DPCD: variants seen among roughly 807,000 people sequenced by gnomAD.
DPCD encodes the protein deleted in primary ciliary dyskinesia homolog (mouse).
DPCD carries 20 observed loss-of-function variants against 26.4 expected under a neutral mutation model. The ratio of observed to expected loss-of-function variants is 0.76; its 90% CI spans 0.53 to 1.10. The LOEUF (loss-of-function observed/expected upper bound fraction) is 1.10, where lower values mean the gene tolerates loss of function less well. Ranked by LOEUF, DPCD falls within the 50% of genes least tolerant of loss-of-function variation. The probability of loss-of-function intolerance (pLI) is 0.00; values close to 1 mark genes in which losing one functional copy is unlikely to be tolerated. For missense variants in DPCD, 202 were observed against 253.9 expected (o/e 0.80, Z 1.39); for synonymous variants, 97 against 94.2 (o/e 1.03, Z -0.17).
chr10:101,599,077 G>A (rs954558017), intron 2 of DPCD, among the ~76,000 whole-genome samples: 17 of 152,178 alleles, frequency 1.1e-4, no homozygotes, highest in Non-Finnish European at 2.4e-4. Flanking sequence ...TCCAGTGTGA[G>A]TTGTCCCCGA....
chr10:101,605,285 C>T, intron 4 of DPCD: 1 of 1,533,306 alleles, frequency 6.5e-7, no homozygotes, highest in Non-Finnish European at 8.8e-7. Flanking sequence ...AGTCTCTCTC[C>T]CTCTGAGGGC....
intron 4 of DPCD, among the ~76,000 whole-genome samples, chr10:101,602,532 TATAA>T (rs2063705444): frequency 6.6e-6 from 1 of 152,238 alleles, no homozygotes; most frequent in Non-Finnish European, 1.5e-5. Flanking sequence ...TGTCTATAAA[TATAA>T]AGTCATAATA....
chr10:101,595,472 G>C (rs1463657861), intron 2 of DPCD, among the ~76,000 whole-genome samples: 1 of 152,176 alleles, frequency 6.6e-6, no homozygotes, highest in Non-Finnish European at 1.5e-5. Flanking sequence ...AGTTCCATCT[G>C]AAATGCTAAG....
chr10:101,592,740 G>A (rs978584795), intron 1 of DPCD, among the ~76,000 whole-genome samples: 1 of 150,810 alleles, frequency 6.6e-6, no homozygotes, highest in African/African-American at 2.4e-5. Context: ...AGTTGGCCGG[G>A]CGTGGTGGCT....
Position 101,588,370 on chromosome 10 carries a change from A to G in DPCD, c.34A>G (p.Thr12Ala). The change falls in exon 1 of 6, where the codon ACA (threonine) becomes GCA (alanine). Residue 12 changes from threonine (T) to alanine (A), a missense_variant. Thr to Ala is a moderately conservative substitution (Grantham distance 58). This residue lies in a region of DPCD where 47 missense variants were observed against 32.8 expected (regional missense o/e 1.43). Coordinates refer to ENST00000370151, the MANE Select transcript of DPCD (RefSeq NM_015448.3). The part of the protein sequence containing the change: ...AVTGWLESLR[T>A]AQKTALLQDG... ...GACGGGCTGGTTGGAGAGTCTGCGG[A>G]CAGCCCAGAAGACTGCGCTGCTGCA... The G allele has an allele frequency of 6.3e-7, 1 of 1,598,924 alleles. No individual in the cohort carries two copies. The highest frequency in any genetic ancestry group is 2.3e-5 in the East Asian group (1 of 44,396).
chr10:101,600,822 G>A lies in DPCD; in HGVS notation c.230G>A (p.Gly77Glu), dbSNP rs1388065312. 3.1e-6 allele frequency: 5 copies of A among 1,613,978 alleles called. No homozygotes were observed. The South Asian group carries it at 4.4e-5, about 14-fold the overall frequency. Residue 77 changes from glycine (G) to glutamate (E), a missense_variant, in exon 3 of 6, where the codon GGG (glycine) becomes GAG (glutamate). Gly to Glu is a moderately conservative substitution (Grantham distance 98). Around this residue, in one of 3 missense-constraint regions of DPCD, gnomAD observed 37 missense variants for 76.0 expected, o/e 0.49. Transcript: ENST00000370151. This position sits in a 1 kb window ranked among gnomAD's most constrained non-coding sequence, Gnocchi z 4.7. ...GGAGACCCAGCGCCCCTAGGAGCAG[G>A]GAACCTGGGGCCTGAACTCATCAAG... The part of the protein sequence containing the change: ...EVGDPAPLGA[G>E]NLGPELIKES...
At position 101,609,539 on chromosome 10, in the gene DPCD, A is replaced by G; in HGVS notation, c.*68A>G. ...AGACTTCAAGGCTTGGCCCTTCTTGACCACGGCAGCCTCCTGTCTTCTAGG... is the reference window on the plus strand; with the variant it reads ...AGACTTCAAGGCTTGGCCCTTCTTGGCCACGGCAGCCTCCTGTCTTCTAGG... On this transcript the variant is annotated 3_prime_UTR_variant, in exon 6 of 6. Coordinates refer to ENST00000370151, the MANE Select transcript of DPCD (RefSeq NM_015448.3). The G allele has an allele frequency of 7.0e-7, 1 of 1,421,586 alleles. No homozygotes were observed. The allele number at this position is 1,421,586 out of a possible 1,614,324, so 88.1% of individuals were successfully genotyped here. A position where few individuals can be genotyped will look rare whatever the true frequency, so the allele number is the denominator to read the frequency against.
intron 4 of DPCD, among the ~76,000 whole-genome samples, chr10:101,605,778 G>A (rs1309374017): frequency 2.0e-5 from 3 of 152,146 alleles, no homozygotes; most frequent in Non-Finnish European, 2.9e-5. Context: ...AGACTATGGC[G>A]GGCTATTACT....
intron 2 of DPCD, chr10:101,596,680 CTCT>C (rs1413727229): frequency 6.6e-6 from 1 of 152,196 alleles, no homozygotes; most frequent in Non-Finnish European, 1.5e-5. Context: ...CTTTTTCTTA[CTCT>C]TCTTCCTATC....
chr10:101,594,580 CCCAGGT>C, intron 1 of DPCD, 72 bp from the exon 2 acceptor site: 1 of 1,470,168 alleles, frequency 6.8e-7, no homozygotes, highest in Admixed American at 1.7e-5. Flanking sequence ...GGCACTGTTT[CCCAGGT>C]AGGCCCCTTG....
intron 2 of DPCD, among the ~76,000 whole-genome samples, chr10:101,597,240 G>T (rs1386998742): frequency 2.0e-5 from 3 of 152,240 alleles, no homozygotes; most frequent in African/African-American, 7.2e-5. Flanking sequence ...GCTGCATTTG[G>T]AGGATATTGA....
At chr10:101,593,420 CATACAT>C (rs2063626287) in intron 1 of DPCD, among the ~76,000 whole-genome samples, 1 of 152,200 alleles carries the variant, frequency 6.6e-6, no homozygotes, top group Admixed American at 6.5e-5. Context: ...ATTCATCAAG[CATACAT>C]AGGGTACTTG....
In DPCD at chr10:101,609,477, C is replaced by G. The variant is rs1454802578; in HGVS notation, c.*6C>G. ...GGGACTGCAAGACCCAGTAGTTGGCCCCTGAGCCTTATACCTCCACCACAG... is the reference window on the plus strand; with the variant it reads ...GGGACTGCAAGACCCAGTAGTTGGCGCCTGAGCCTTATACCTCCACCACAG... On this transcript the variant is annotated 3_prime_UTR_variant, in exon 6 of 6. Coordinates refer to ENST00000370151, the MANE Select transcript of DPCD (RefSeq NM_015448.3). The G allele has an allele frequency of 6.2e-7, 1 of 1,613,364 alleles. No homozygotes were observed. The highest frequency in any genetic ancestry group is 1.7e-5 in the Admixed American group (1 of 59,934).
chr10:101,591,600 G>GT (rs1186999308), intron 1 of DPCD, among the ~76,000 whole-genome samples: 1 of 151,610 alleles, frequency 6.6e-6, no homozygotes. Flanking sequence ...TTTTACTTTT[G>GT]TTTTTTTAAG....
At chr10:101,596,228 G>T (rs2063650899) in intron 2 of DPCD, among the ~76,000 whole-genome samples, 1 of 151,838 alleles carries the variant, frequency 6.6e-6, no homozygotes, top group Admixed American at 6.6e-5. Flanking sequence ...TTTCTTAAAA[G>T]CAGAAATGGA....
Sources: allele counts gnomAD v4.1 joint callset (sites outside exome capture counted in the v4.1 genomes callset), GRCh38; gene constraint gnomAD v4.1.1; regional missense constraint gnomAD v4.1.1; non-coding constraint Gnocchi (gnomAD v3.1); transcripts MANE v1.5; gene names NCBI Gene and HGNC (gene_info 2026-07-23, HGNC 2026-07-21).